ABLIM3: variants seen among roughly 807,000 people sequenced by gnomAD.
ABLIM3 encodes actin binding LIM protein family member 3, also known as actin-binding LIM protein 3.
Under a neutral mutation model 109.5 loss-of-function variants are expected in ABLIM3, and 61 were observed. The observed-to-expected ratio is 0.56, with a 90% CI of 0.45 to 0.69. ABLIM3 has a LOEUF of 0.69. Ranked by LOEUF, ABLIM3 falls within the 30% of genes least tolerant of loss-of-function variation. The pLI is 0.00. For missense variants in ABLIM3, 796 were observed against 889.5 expected (o/e 0.89, Z 1.34); for synonymous variants, 300 against 324.8 (o/e 0.92, Z 0.82).
intron 3 of ABLIM3, among the ~76,000 whole-genome samples, chr5:149,186,008 C>T (rs983229566): frequency 9.2e-5 from 14 of 152,250 alleles, no homozygotes; most frequent in Admixed American, 7.2e-4. Flanking sequence ...CAATAGGAGA[C>T]CTATGTATAA....
chr5:149,225,937 A>ATG (rs1554092454), intron 8 of ABLIM3, among the ~76,000 whole-genome samples: 18 of 141,460 alleles, frequency 1.3e-4, no homozygotes, highest in African/African-American at 4.9e-4. Context: ...ATATATATAT[A>ATG]TATGTATGTA....
chr5:149,146,174 T>A (rs1395266529), intron 2 of ABLIM3, among the ~76,000 whole-genome samples: 1 of 152,218 alleles, frequency 6.6e-6, no homozygotes, highest in Non-Finnish European at 1.5e-5. Flanking sequence ...TTTGTTTTGC[T>A]TGTTGAATTG....
Position 149,194,398 on chromosome 5 carries a change from A to G in ABLIM3, c.152-3821A>G, listed in dbSNP as rs6860187. On this transcript the variant is annotated intron_variant, in intron 3 of 23. Transcript: ENST00000309868. The stretch of plus-strand genomic sequence containing the variant: ...CAGATATTACTAAGTACTGTTGATG[A>G]TATATATCAGTGGGAACAGCTGGTG... 6.1e-3 allele frequency among the ~76,000 whole-genome samples: 928 copies of G among 152,306 alleles called. 11 individuals are homozygous for G. Among genetic ancestry groups the G allele is most frequent in the African/African-American group, 0.022 (901 of 41,562 alleles).
Position 149,200,411 on chromosome 5 carries a change from A to G in ABLIM3, c.431A>G (p.Lys144Arg). Residue 144 changes from lysine to arginine, a missense_variant, in exon 5 of 24, where the codon AAG (lysine) becomes AGG (arginine). Lys to Arg is a conservative substitution (Grantham distance 26). Transcript: ENST00000309868. ...TCCATGGCCAGCAGTAAGCCCATCA[A>G]GATTCGTGGACCAAGCCGTGAGTCC... ...SQSMASSKPI[K>R]IRGPSHCAGC... The G allele has an allele frequency of 6.2e-7, 1 of 1,614,202 alleles. No homozygotes were observed. Among genetic ancestry groups the G allele is most frequent in the South Asian group, 1.1e-5 (1 of 91,084 alleles).
chr5:149,170,989 T>C (rs1426779780), intron 2 of ABLIM3, among the ~76,000 whole-genome samples: 1 of 152,224 alleles, frequency 6.6e-6, no homozygotes, highest in Non-Finnish European at 1.5e-5. Flanking sequence ...CTAATTTTTC[T>C]TTCTCTCTCC....
In ABLIM3 at chr5:149,198,489, G is replaced by A. The variant is rs928551949; in HGVS notation, c.335+87G>A. On this transcript the variant is annotated intron_variant, in intron 4 of 23. Coordinates refer to ENST00000309868, the MANE Select transcript of ABLIM3 (RefSeq NM_014945.5). This position sits in a 1 kb window ranked among gnomAD's most constrained non-coding sequence, Gnocchi z 4.2. ...CTGGCTTTTTCCAGGAAGTTCTGGG[G>A]TTTACAAGGTTTGTGCTGCACATTT... 9.0e-6 allele frequency: 13 copies of A among 1,438,750 alleles called. 1 individual carries two copies. The highest frequency in any genetic ancestry group is 1.5e-5 in the South Asian group (1 of 68,468). The allele number at this position is 1,438,750 out of a possible 1,614,324, so 89.1% of individuals were successfully genotyped here. A position where few individuals can be genotyped will look rare whatever the true frequency, so the allele number is the denominator to read the frequency against.
intron 8 of ABLIM3, chr5:149,217,483 G>C (rs1006642765): frequency 1.2e-5 from 2 of 171,780 alleles, no homozygotes; most frequent in African/African-American, 2.4e-5. Context: ...TGCTGCTCAG[G>C]GCTTCCCAGG....
At chr5:149,239,655 C>A in intron 12 of ABLIM3, 104 bp from the exon 13 acceptor site, 1 of 1,471,996 alleles carries the variant, frequency 6.8e-7, no homozygotes, top group South Asian at 1.4e-5. Flanking sequence ...CACCTCAAAC[C>A]CGAGAATCCC....
chr5:149,153,935 C>A (rs2127437304), intron 2 of ABLIM3, among the ~76,000 whole-genome samples: 1 of 152,356 alleles, frequency 6.6e-6, no homozygotes, highest in East Asian at 1.9e-4. Flanking sequence ...TCTCTCGCAG[C>A]AGAATGCTAC....
At chr5:149,230,806 G>C in intron 9 of ABLIM3, 99 bp downstream of exon 9, 7 of 1,345,348 alleles carry the variant, frequency 5.2e-6, no homozygotes, top group Non-Finnish European at 7.4e-6. Context: ...GCATTCCTTA[G>C]TGTGCACACT....
chr5:149,251,653 G>A (rs1320237560), intron 21 of ABLIM3, among the ~76,000 whole-genome samples: 2 of 152,084 alleles, frequency 1.3e-5, no homozygotes, highest in Admixed American at 6.5e-5. Flanking sequence ...TCCCATCTGG[G>A]TTCCCAGAAC....
At chr5:149,192,040 G>A (rs1757527511) in intron 3 of ABLIM3, among the ~76,000 whole-genome samples, 1 of 152,112 alleles carries the variant, frequency 6.6e-6, no homozygotes, top group Admixed American at 6.5e-5. Flanking sequence ...ATAATTGATA[G>A]ATTATGTATA....
chr5:149,162,532 AG>A (rs1026867721), intron 2 of ABLIM3, among the ~76,000 whole-genome samples: 3 of 152,216 alleles, frequency 2.0e-5, no homozygotes, highest in Non-Finnish European at 4.4e-5. Flanking sequence ...TGTGTCTGGA[AG>A]GGCGTGAGCA....
intron 3 of ABLIM3, among the ~76,000 whole-genome samples, chr5:149,189,071 A>AT (rs1432404391): frequency 2.0e-5 from 3 of 152,240 alleles, no homozygotes; most frequent in Admixed American, 6.5e-5. Context: ...ATGGTTGGTT[A>AT]ATTTTCAACA....
intron 2 of ABLIM3, among the ~76,000 whole-genome samples, chr5:149,155,061 A>G (rs1202229170): frequency 6.6e-6 from 1 of 152,220 alleles, no homozygotes; most frequent in Non-Finnish European, 1.5e-5. Flanking sequence ...CTCATTTTAC[A>G]TAAAAGGAAA....
chr5:149,240,566 T>TC, intron 13 of ABLIM3, 110 bp from the exon 14 acceptor site: 1 of 833,134 alleles, frequency 1.2e-6, no homozygotes, highest in East Asian at 2.5e-5. Flanking sequence ...CCCCAGCCCA[T>TC]CCCCCATCTC....
Position 149,198,460 on chromosome 5 carries a change from A to G in ABLIM3, c.335+58A>G, listed in dbSNP as rs1758187976. On this transcript the variant is annotated intron_variant, in intron 4 of 23. Transcript: ENST00000309868. This position sits in a 1 kb window ranked among gnomAD's most constrained non-coding sequence, Gnocchi z 4.2. ...CTGCATAAGCCCCCGGGGCAGGGGA[A>G]GACCTGGCTTTTTCCAGGAAGTTCT... 2 of 1,510,168 alleles carry G rather than the reference A, an allele frequency of 1.3e-6. No homozygotes were observed. Among genetic ancestry groups the G allele is most frequent in the African/African-American group, 1.4e-5 (1 of 71,682 alleles). The allele number at this position is 1,510,168 out of a possible 1,614,324, so 93.5% of individuals were successfully genotyped here.
chr5:149,193,136 A>G (rs1007166354), intron 3 of ABLIM3, among the ~76,000 whole-genome samples: 4 of 152,164 alleles, frequency 2.6e-5, no homozygotes, highest in Non-Finnish European at 5.9e-5. Flanking sequence ...ATAATTGGAA[A>G]ACTTGAACAC....
chr5:149,169,602 C>A (rs1035124357), intron 2 of ABLIM3, among the ~76,000 whole-genome samples: 1 of 152,202 alleles, frequency 6.6e-6, no homozygotes, highest in Non-Finnish European at 1.5e-5. Flanking sequence ...TCTCAAAAGA[C>A]ATGGCTGCTC....
Sources: gnomAD v4.1 joint callset for allele counts (sites outside exome capture counted in the v4.1 genomes callset) on GRCh38, gnomAD v4.1.1 for gene constraint, Gnocchi (gnomAD v3.1) non-coding constraint, MANE v1.5 for transcripts, NCBI Gene and HGNC (gene_info 2026-07-23, HGNC 2026-07-21) for gene names.